RTN4R: variants seen among roughly 807,000 people sequenced by gnomAD.
RTN4R encodes the protein reticulon 4 receptor, also known as reticulon-4 receptor.
A neutral mutation model predicts 27.7 loss-of-function variants in RTN4R; 4 were observed. The observed-to-expected ratio is 0.14, with a 90% CI of 0.07 to 0.33. RTN4R has a LOEUF of 0.33. RTN4R is among the 10% of genes least tolerant of loss of function. RTN4R has a pLI of 1.00. For missense variants in RTN4R, 554 were observed against 671.5 expected (o/e 0.83, Z 1.93); for synonymous variants, 290 against 305.6 (o/e 0.95, Z 0.53).
At chr22:20,261,638 C>G (rs2051247869) in intron 1 of RTN4R, among the ~76,000 whole-genome samples, 1 of 152,216 alleles carries the variant, frequency 6.6e-6, no homozygotes. Flanking sequence ...CTGGGGTCTC[C>G]CGGAGCTGAC....
chr22:20,252,119 T>A (rs2051187632), intron 1 of RTN4R, among the ~76,000 whole-genome samples: 1 of 151,802 alleles, frequency 6.6e-6, no homozygotes, highest in African/African-American at 2.4e-5. Flanking sequence ...GCCATCAGCA[T>A]CCTCATCACT....
At position 20,249,260 on chromosome 22, in the gene RTN4R, A is replaced by G. The variant is rs547470708; in HGVS notation, c.23-6150T>C. 4.0e-5 allele frequency: 21 copies of G among 526,116 alleles called. No homozygotes were observed. The African/African-American group carries it at 4.0e-4, about 10-fold the overall frequency. The allele number at this position is 526,116 out of a possible 1,614,324, so 32.6% of individuals were successfully genotyped here. ...CGGCCTGCTCCCACCCTGGGGACGC[A>G]CTCTGAGCCAGGTCTGGGCCCAGCA... On this transcript the variant is annotated intron_variant, in intron 1 of 1. Coordinates refer to ENST00000043402, the MANE Select transcript of RTN4R (RefSeq NM_023004.6).
At chr22:20,262,122 A>G (rs1166079848) in intron 1 of RTN4R, among the ~76,000 whole-genome samples, 1 of 152,234 alleles carries the variant, frequency 6.6e-6, no homozygotes, top group East Asian at 1.9e-4. Context: ...ACCGGGAGAC[A>G]GGGTGCAGGT....
intron 1 of RTN4R, among the ~76,000 whole-genome samples, chr22:20,253,376 T>C (rs139563468): frequency 6.6e-6 from 1 of 152,204 alleles, no homozygotes; most frequent in African/African-American, 2.4e-5. Flanking sequence ...TCACCCACCA[T>C]GTGTTAGACA....
intron 1 of RTN4R, among the ~76,000 whole-genome samples, chr22:20,266,405 C>T (rs1602654153): frequency 6.6e-6 from 1 of 152,234 alleles, no homozygotes; most frequent in African/African-American, 2.4e-5. Flanking sequence ...GCACCCTACA[C>T]AACACCGGAG....
At chr22:20,258,766 G>A (rs1041657545) in intron 1 of RTN4R, among the ~76,000 whole-genome samples, 7 of 152,194 alleles carry the variant, frequency 4.6e-5, no homozygotes, top group Non-Finnish European at 2.9e-5. Flanking sequence ...TGATCTGGGG[G>A]CCAGGGGATC....
At chr22:20,248,837 GC>G (rs1946371247) in intron 1 of RTN4R, among the ~76,000 whole-genome samples, 1 of 152,170 alleles carries the variant, frequency 6.6e-6, no homozygotes, top group African/African-American at 2.4e-5. Context: ...AGGATCCTTG[GC>G]CTAGCACCTA....
chr22:20,265,708 C>T (rs1465949581), intron 1 of RTN4R, among the ~76,000 whole-genome samples: 1 of 152,198 alleles, frequency 6.6e-6, no homozygotes, highest in Non-Finnish European at 1.5e-5. Flanking sequence ...TTTATTGTCC[C>T]TTCTGCACAT....
intron 1 of RTN4R, chr22:20,267,525 G>A (rs1856391564): frequency 9.1e-6 from 4 of 441,428 alleles, no homozygotes; most frequent in Middle Eastern, 3.4e-4. Context: ...CTCACCGCCC[G>A]CCCTGGAGGC....
In RTN4R at chr22:20,241,900, C is replaced by G. The variant is rs775451895; in HGVS notation, c.1233G>C (p.Ser411=). ...EGSEPPGFPT[S]GPRRRPGCSR... ...AACAGCCTGGCCTCCGGCGAGGGCC[C>G]GAGGTGGGGAACCCTGGTGGCTCGG... Residue 411 remains serine (S), a synonymous_variant, in exon 2 of 2, where the codon TCG becomes TCC. Transcript: ENST00000043402. 4 of 1,605,916 alleles carry G rather than the reference C, an allele frequency of 2.5e-6. No individual in the cohort carries two copies. Among genetic ancestry groups the G allele is most frequent in the Admixed American group, 1.7e-5 (1 of 59,868 alleles).
At position 20,245,933 on chromosome 22, in the gene RTN4R, A is replaced by G. The variant is rs540345413; in HGVS notation, c.23-2823T>C. Among the ~76,000 whole-genome samples the G allele has an allele frequency of 2.9e-3, 444 of 152,016 alleles. 3 individuals are homozygous for G. The highest frequency in any genetic ancestry group is 4.9e-3 in the Non-Finnish European group (334 of 67,948). On this transcript the variant is annotated intron_variant, in intron 1 of 1. Transcript: ENST00000043402. ...GATAGCGTGCCTGTCCACCGTCCCC[A>G]CCCAGGTTGGCCCTGCGGCCACCTG...
rs930145807 is a variant in RTN4R, at chr22:20,242,650, C to T, written c.483G>A (p.Leu161=). The change falls in exon 2 of 2, where the codon CTG becomes CTA. Residue 161 remains leucine, a synonymous_variant. Coordinates refer to ENST00000043402, the MANE Select transcript of RTN4R (RefSeq NM_023004.6). ...RGLAALQYLY[L]QDNALQALPD... ...GCAGTGCCTGCAGCGCGTTGTCCTGCAGGTAGAGGTACTGCAGGGCAGCCA... is the reference window on the plus strand; with the variant it reads ...GCAGTGCCTGCAGCGCGTTGTCCTGTAGGTAGAGGTACTGCAGGGCAGCCA... 1 of 1,612,294 alleles carries T rather than the reference C, an allele frequency of 6.2e-7. No individual in the cohort carries two copies. Among genetic ancestry groups the T allele is most frequent in the Non-Finnish European group, 8.5e-7 (1 of 1,179,798 alleles).
intron 1 of RTN4R, among the ~76,000 whole-genome samples, chr22:20,253,710 A>C (rs1293814911): frequency 6.6e-6 from 1 of 152,130 alleles, no homozygotes; most frequent in African/African-American, 2.4e-5. Context: ...AAAAGACAAA[A>C]ATTAGGAGAA....
In RTN4R at chr22:20,242,847, T is replaced by G; in HGVS notation, c.286A>C (p.Ile96Leu). Residue 96 changes from isoleucine (I) to leucine (L), a missense_variant, in exon 2 of 2, where the codon ATT becomes CTT. This residue lies in a region of RTN4R where 413 missense variants were observed against 542.3 expected (regional missense o/e 0.76). Transcript: ENST00000043402. Reference sequence around the variant, plus strand: ...AGGCCAGTGAAGGCAGCCGCATCAATTCGGGCCAGCACATTCGAGTGCAGC... The same window carrying G: ...AGGCCAGTGAAGGCAGCCGCATCAAGTCGGGCCAGCACATTCGAGTGCAGC... ...LWLHSNVLAR[I>L]DAAAFTGLAL... is the part of the protein sequence containing the mutation. 6.2e-7 allele frequency: 1 copy of G among 1,613,010 alleles called. No individual in the cohort carries two copies. The highest frequency in any genetic ancestry group is 8.5e-7 in the Non-Finnish European group (1 of 1,179,934).
At chr22:20,250,962 T>C (rs754330205) in intron 1 of RTN4R, among the ~76,000 whole-genome samples, 49 of 152,146 alleles carry the variant, frequency 3.2e-4, no homozygotes, top group Non-Finnish European at 6.5e-4. Context: ...AGGAAAGGAC[T>C]TGGGTGGCAC....
intron 1 of RTN4R, chr22:20,249,258 G>C (rs370242881): frequency 5.7e-6 from 3 of 526,738 alleles, no homozygotes; most frequent in Non-Finnish European, 1.2e-5. Flanking sequence ...CCCTGGGGAC[G>C]CACTCTGAGC....
At chr22:20,267,130 C>T (rs934343096) in intron 1 of RTN4R, among the ~76,000 whole-genome samples, 2 of 152,260 alleles carry the variant, frequency 1.3e-5, no homozygotes, top group African/African-American at 4.8e-5. Flanking sequence ...CAGATATGCA[C>T]CCTCAGAGTC....
In RTN4R at chr22:20,242,252, G is replaced by C. The variant is rs1175707424; in HGVS notation, c.881C>G (p.Ala294Gly). The C allele has an allele frequency of 8.1e-6, 13 of 1,598,960 alleles. No homozygotes were observed. The highest frequency in any genetic ancestry group is 1.1e-5 in the Non-Finnish European group (13 of 1,173,822). The change falls in exon 2 of 2, where the codon GCT becomes GGT. Residue 294 changes from alanine to glycine, a missense_variant. Ala to Gly is a moderately conservative substitution (Grantham distance 60, BLOSUM62 0). Coordinates refer to ENST00000043402, the MANE Select transcript of RTN4R (RefSeq NM_023004.6). ...AGCTAGGCGTTTGAGGTCACGGCCA[G>C]CCAGGCGTTGCGGGAGGCTGCAGGG... ...EVPCSLPQRL[A>G]GRDLKRLAAN...
intron 1 of RTN4R, among the ~76,000 whole-genome samples, chr22:20,263,309 C>T (rs2051258334): frequency 6.6e-6 from 1 of 152,180 alleles, no homozygotes; most frequent in South Asian, 2.1e-4. Context: ...TTCCTGGGCA[C>T]ACCAGGCCCT....
Sources: gnomAD v4.1 joint callset for allele counts (sites outside exome capture counted in the v4.1 genomes callset) on GRCh38, gnomAD v4.1.1 for gene constraint, gnomAD v4.1.1 regional missense constraint, MANE v1.5 for transcripts, NCBI Gene and HGNC (gene_info 2026-07-23, HGNC 2026-07-21) for gene names.